The following CRYBG1 variants were observed in gnomAD, a reference collection of about 807,000 sequenced individuals.
CRYBG1 encodes the protein crystallin beta-gamma domain containing 1, also known as beta/gamma crystallin domain-containing protein 1.
A neutral mutation model predicts 189.2 loss-of-function variants in CRYBG1; 139 were observed. That is an observed-to-expected ratio of 0.73 (90% CI 0.64 to 0.85). The LOEUF is 0.85. Among genes scored for constraint, CRYBG1 ranks in the 40% least tolerant of loss-of-function variants. CRYBG1 has a pLI of 0.00. For synonymous variants in CRYBG1, 1,023 were observed against 1,017.1 expected, an observed-to-expected ratio of 1.01 and a Z score of -0.11; for missense variants, 2,611 against 2,675.8, an observed-to-expected ratio of 0.98 and a Z score of 0.53.
chr6:106,361,066 C>T lies in CRYBG1; in HGVS notation c.158C>T (p.Pro53Leu). 6.5e-7 allele frequency: 1 copy of T among 1,535,104 alleles called. No individual in the cohort carries two copies. Among genetic ancestry groups the T allele is most frequent in the Non-Finnish European group, 8.7e-7 (1 of 1,146,568 alleles). The change falls in exon 1 of 22, where the codon CCT becomes CTT. Residue 53 changes from proline (P) to leucine (L), a missense_variant. Pro to Leu is a moderately conservative substitution (Grantham distance 98). Transcript: ENST00000633556. The part of the protein sequence containing the change: ...GVFVPHPLPA[P>L]AGEARALDVV... ...TTCGTTCCGCACCCGCTCCCGGCGC[C>T]TGCCGGAGAGGCCAGGTGAGCTCCT...
rs116785390 is a variant in CRYBG1 at position 106,366,926 on chromosome 6, A to T, written c.173+5845A>T. 2.0e-3 allele frequency among the ~76,000 whole-genome samples: 307 copies of T among 152,336 alleles called. 1 individual carries two copies. The highest frequency in any genetic ancestry group is 3.2e-3 in the Non-Finnish European group (219 of 68,034). ...CTTCAGAGGCCCAGAAGTCGTAACC[A>T]GGTCTGTTAAGCTTTGAAGTACCTT... is the stretch of plus-strand genomic sequence containing the variant. On this transcript the variant is annotated intron_variant, in intron 1 of 21. Coordinates refer to ENST00000633556, the MANE Select transcript of CRYBG1 (RefSeq NM_001371242.2).
At chr6:106,488,827 A>G (rs1772651515) in intron 2 of CRYBG1, among the ~76,000 whole-genome samples, 1 of 151,922 alleles carries the variant, frequency 6.6e-6, no homozygotes, top group Non-Finnish European at 1.5e-5. Flanking sequence ...CACCTGTGGG[A>G]ATTTAGTGTA....
At chr6:106,373,026 A>G (rs1435942549) in intron 1 of CRYBG1, among the ~76,000 whole-genome samples, 1 of 152,160 alleles carries the variant, frequency 6.6e-6, no homozygotes, top group Non-Finnish European at 1.5e-5. Flanking sequence ...GTGTGTGTAC[A>G]GGGGAGGTAA....
rs143646335 is a variant in CRYBG1, at chr6:106,539,438, T to G, written c.4754T>G (p.Val1585Gly). The change falls in exon 9 of 22, where the codon GTT becomes GGT. Residue 1585 changes from valine (V) to glycine (G), a missense_variant. Transcript: ENST00000633556. ...TATGAAGAACCTGGATTTCAGGGTG[T>G]TCCTTTCATCCTGGAACCTGGTGAA... is the stretch of plus-strand genomic sequence containing the variant. Reference protein sequence around the residue: ...LIYEEPGFQGVPFILEPGEYP... With the variant: ...LIYEEPGFQGGPFILEPGEYP... 2 of 1,613,952 alleles carry G rather than the reference T, an allele frequency of 1.2e-6. No individual in the cohort carries two copies. The highest frequency in any genetic ancestry group is 2.7e-5 in the African/African-American group (2 of 74,922).
At chr6:106,496,573 G>A (rs1772856138) in intron 2 of CRYBG1, among the ~76,000 whole-genome samples, 1 of 152,014 alleles carries the variant, frequency 6.6e-6, no homozygotes, top group African/African-American at 2.4e-5. Context: ...ATAATTTTAA[G>A]TTTAATTGAA....
chr6:106,559,299 G>C (rs906586060), intron 18 of CRYBG1, among the ~76,000 whole-genome samples: 5 of 152,168 alleles, frequency 3.3e-5, no homozygotes, highest in Non-Finnish European at 7.3e-5. Context: ...TTATACAAAT[G>C]ATTAAAGGTC....
Position 106,512,544 on chromosome 6 carries a change from G to A in CRYBG1, c.1427G>A (p.Gly476Glu). 6.2e-7 allele frequency: 1 copy of A among 1,608,138 alleles called. No homozygotes were observed. Among genetic ancestry groups the A allele is most frequent in the African/African-American group, 1.3e-5 (1 of 74,974 alleles). Residue 476 changes from glycine to glutamate, a missense_variant, in exon 3 of 22, where the codon GGG becomes GAG. By Grantham distance (98) the Gly-to-Glu change is moderately conservative. Coordinates refer to ENST00000633556, the MANE Select transcript of CRYBG1 (RefSeq NM_001371242.2). Reference sequence around the variant, plus strand: ...AAATCTCCGCGGGCAGCCCTCGACGGGGGCGTTGCCTCCGCTGCGAGCCCA... The same window carrying A: ...AAATCTCCGCGGGCAGCCCTCGACGAGGGCGTTGCCTCCGCTGCGAGCCCA... Reference protein sequence around the residue: ...KVKSPRAALDGGVASAASPES... With the variant: ...KVKSPRAALDEGVASAASPES...
chr6:106,562,930 G>A (rs955074497), intron 20 of CRYBG1, among the ~76,000 whole-genome samples: 11 of 152,162 alleles, frequency 7.2e-5, no homozygotes, highest in Non-Finnish European at 1.6e-4. Context: ...GGGCTCAAGG[G>A]ATCCTCCCAC....
intron 8 of CRYBG1, among the ~76,000 whole-genome samples, chr6:106,531,204 A>G (rs1255087049): frequency 6.6e-6 from 1 of 152,212 alleles, no homozygotes; most frequent in Non-Finnish European, 1.5e-5. Context: ...TTGGTTTGCC[A>G]TTGTTCATAT....
At chr6:106,419,010 C>A (rs772788263) in intron 1 of CRYBG1, among the ~76,000 whole-genome samples, 1 of 152,192 alleles carries the variant, frequency 6.6e-6, no homozygotes, top group African/African-American at 2.4e-5. Flanking sequence ...CTACCCTAAT[C>A]TTTTATTATG....
chr6:106,483,163 G>A (rs1372008740), intron 2 of CRYBG1, among the ~76,000 whole-genome samples: 1 of 151,810 alleles, frequency 6.6e-6, no homozygotes, highest in Non-Finnish European at 1.5e-5. Context: ...ATCTCTGTCA[G>A]CCACTGTTCT....
rs77243216 is a variant in CRYBG1 at position 106,489,712 on chromosome 6, C to A, written c.313-21718C>A. ...GGGCGGTAGTATGCACCTGTAATCC[C>A]AGCTACTCAGGATGTTGATGCAGTG... On this transcript the variant is annotated intron_variant, in intron 2 of 21. Transcript: ENST00000633556. 6.4e-3 allele frequency among the ~76,000 whole-genome samples: 491 copies of A among 77,012 alleles called. 10 individuals are homozygous for A. The East Asian group carries it at 0.072, about 11-fold the overall frequency. 50.5% of individuals were successfully genotyped at this position (77,012 alleles called of 152,430 possible).
intron 2 of CRYBG1, among the ~76,000 whole-genome samples, chr6:106,471,094 G>C (rs1415998318): frequency 6.6e-6 from 1 of 152,194 alleles, no homozygotes; most frequent in Non-Finnish European, 1.5e-5. Context: ...TGTCTGTTTG[G>C]CATGTTTGAG....
chr6:106,503,969 T>C (rs965998591), intron 2 of CRYBG1, among the ~76,000 whole-genome samples: 2 of 147,404 alleles, frequency 1.4e-5, no homozygotes, highest in Admixed American at 1.4e-4. Flanking sequence ...CACCCAATAG[T>C]ATACCTTTGA....
chr6:106,471,591 G>A (rs1772233510), intron 2 of CRYBG1, among the ~76,000 whole-genome samples: 1 of 152,022 alleles, frequency 6.6e-6, no homozygotes, highest in Non-Finnish European at 1.5e-5. Flanking sequence ...AATACTTTTA[G>A]GACAGTGCTT....
intron 1 of CRYBG1, among the ~76,000 whole-genome samples, chr6:106,425,404 A>G (rs530075628): frequency 2.0e-5 from 3 of 152,250 alleles, no homozygotes; most frequent in East Asian, 3.9e-4. Context: ...ACCTCAATTT[A>G]TCCTACTCCT....
chr6:106,450,756 C>T (rs1282879476), intron 1 of CRYBG1, among the ~76,000 whole-genome samples: 1 of 152,226 alleles, frequency 6.6e-6, no homozygotes, highest in East Asian at 1.9e-4. Flanking sequence ...GCAGGCATGA[C>T]ACTGGCCTGC....
intron 13 of CRYBG1, among the ~76,000 whole-genome samples, chr6:106,546,866 T>C (rs111278135): frequency 6.6e-6 from 1 of 152,362 alleles, no homozygotes; most frequent in African/African-American, 2.4e-5. Flanking sequence ...ACCAGTTGTG[T>C]TGGTTCTATT....
intron 2 of CRYBG1, among the ~76,000 whole-genome samples, chr6:106,475,463 G>A (rs1772315478): frequency 6.6e-6 from 1 of 152,190 alleles, no homozygotes; most frequent in African/African-American, 2.4e-5. Context: ...TTTGCTGTGT[G>A]AATCAGAGTT....
Sources: gnomAD v4.1 joint callset for allele counts (sites outside exome capture counted in the v4.1 genomes callset) on GRCh38, gnomAD v4.1.1 for gene constraint, MANE v1.5 for transcripts, NCBI Gene and HGNC (gene_info 2026-07-23, HGNC 2026-07-21) for gene names.